ZNF423: variants seen among roughly 807,000 people sequenced by gnomAD.
ZNF423 encodes the protein zinc finger protein 423, also known as Ebf-associated zinc finger protein.
A neutral mutation model predicts 95.8 loss-of-function variants in ZNF423; 12 were observed. That is an observed-to-expected ratio of 0.13 (90% CI 0.08 to 0.20). ZNF423 has a LOEUF of 0.20. Ranked by LOEUF, ZNF423 falls within the 10% of genes least tolerant of loss-of-function variation. ZNF423 has a pLI of 1.00. For synonymous variants in ZNF423, 749 were observed against 711.9 expected (o/e 1.05, Z -0.83); for missense variants, 1,316 against 1,737.1 (o/e 0.76, Z 4.31).
intron 1 of ZNF423, among the ~76,000 whole-genome samples, chr16:49,850,608 G>T (rs2035292390): frequency 6.6e-6 from 1 of 152,182 alleles, no homozygotes; most frequent in South Asian, 2.1e-4. Context: ...TTCAGCCAGT[G>T]GCCAGGAAAG....
chr16:49,727,776 C>T (rs1294937701), intron 3 of ZNF423, among the ~76,000 whole-genome samples: 2 of 152,202 alleles, frequency 1.3e-5, no homozygotes, highest in Non-Finnish European at 2.9e-5. Flanking sequence ...TGGGCAGACC[C>T]TCTGGTTCCT....
At chr16:49,660,783 C>T (rs367952882) in intron 3 of ZNF423, among the ~76,000 whole-genome samples, 48 of 152,032 alleles carry the variant, frequency 3.2e-4, no homozygotes, top group African/African-American at 1.1e-3. Flanking sequence ...CAGCCTGAAT[C>T]CCAGAGAAAT....
chr16:49,806,023 C>A (rs965912480), intron 1 of ZNF423, among the ~76,000 whole-genome samples: 1 of 152,270 alleles, frequency 6.6e-6, no homozygotes, highest in Non-Finnish European at 1.5e-5. Context: ...CCATCTCTCC[C>A]TGAGGTTAAT....
chr16:49,651,436 C>T (rs997763317), intron 3 of ZNF423, among the ~76,000 whole-genome samples: 1 of 152,148 alleles, frequency 6.6e-6, no homozygotes, highest in Non-Finnish European at 1.5e-5. Flanking sequence ...CCCCCACCCC[C>T]CTGCATGCCC....
intron 2 of ZNF423, among the ~76,000 whole-genome samples, chr16:49,758,971 C>G (rs1160432213): frequency 6.6e-6 from 1 of 152,190 alleles, no homozygotes; most frequent in East Asian, 1.9e-4. Context: ...AGTTCTATTT[C>G]TAGACCTGGG....
chr16:49,629,442 A>T (rs1202153941), intron 4 of ZNF423, among the ~76,000 whole-genome samples: 1 of 152,138 alleles, frequency 6.6e-6, no homozygotes, highest in Non-Finnish European at 1.5e-5. Flanking sequence ...CCACACCCAC[A>T]GTTCCCTAAG....
chr16:49,620,220 T>G (rs28583243), intron 5 of ZNF423, among the ~76,000 whole-genome samples: 83 of 143,548 alleles, frequency 5.8e-4, no homozygotes, highest in African/African-American at 1.7e-3. Flanking sequence ...GACACACACA[T>G]ACACATACAC....
At chr16:49,718,586 A>C (rs957666491) in intron 3 of ZNF423, among the ~76,000 whole-genome samples, 12 of 152,246 alleles carry the variant, frequency 7.9e-5, no homozygotes, top group African/African-American at 2.9e-4. Context: ...GTTCAGGCTC[A>C]TATAACAACA....
At chr16:49,664,136 C>T in intron 3 of ZNF423, 1 of 985,574 alleles carries the variant, frequency 1.0e-6, no homozygotes. Context: ...CTGGCCGATG[C>T]CAAGAGGGCC....
chr16:49,812,069 C>T (rs1226167073), intron 1 of ZNF423, among the ~76,000 whole-genome samples: 2 of 152,236 alleles, frequency 1.3e-5, no homozygotes, highest in East Asian at 1.9e-4. Flanking sequence ...GGTGACTAGG[C>T]GGGGTGCTCC....
intron 5 of ZNF423, among the ~76,000 whole-genome samples, chr16:49,537,410 A>G (rs1232348067): frequency 6.6e-6 from 1 of 152,212 alleles, no homozygotes; most frequent in Non-Finnish European, 1.5e-5. Flanking sequence ...CTGCTTCTGC[A>G]GGCTATGTCT....
intron 1 of ZNF423, among the ~76,000 whole-genome samples, chr16:49,833,783 A>C (rs982583030): frequency 2.4e-5 from 3 of 123,836 alleles, no homozygotes; most frequent in Non-Finnish European, 5.1e-5. Flanking sequence ...TTTTTCAGGG[A>C]TTTCGTGGGA....
At chr16:49,820,071 T>TGGAG (rs2034917679) in intron 1 of ZNF423, among the ~76,000 whole-genome samples, 1 of 149,464 alleles carries the variant, frequency 6.7e-6, no homozygotes, top group Non-Finnish European at 1.5e-5. Flanking sequence ...GATGGATGGA[T>TGGAG]GCATGGATGG....
At chr16:49,620,480 G>A (rs111377886) in intron 5 of ZNF423, among the ~76,000 whole-genome samples, 121 of 152,274 alleles carry the variant, frequency 7.9e-4, no homozygotes, top group African/African-American at 2.7e-3. Flanking sequence ...GGAAAGGGCC[G>A]GCGTGAGCAT....
intron 7 of ZNF423, among the ~76,000 whole-genome samples, chr16:49,509,666 C>T (rs1005881585): frequency 6.6e-6 from 1 of 152,152 alleles, no homozygotes; most frequent in African/African-American, 2.4e-5. Flanking sequence ...ACATCCCCAG[C>T]CATGCCAGAC....
intron 5 of ZNF423, among the ~76,000 whole-genome samples, chr16:49,528,700 T>C (rs1332419697): frequency 6.6e-6 from 1 of 151,870 alleles, no homozygotes; most frequent in African/African-American, 2.4e-5. Flanking sequence ...CTGGAGGGGT[T>C]AGAGGTACTC....
intron 1 of ZNF423, among the ~76,000 whole-genome samples, chr16:49,833,448 AT>A (rs2035082698): frequency 6.6e-6 from 1 of 152,216 alleles, no homozygotes; most frequent in African/African-American, 2.4e-5. Context: ...GGGCTGTTAA[AT>A]TCACTTGCCA....
intron 1 of ZNF423, among the ~76,000 whole-genome samples, chr16:49,820,921 A>C (rs2034930234): frequency 6.6e-6 from 1 of 152,174 alleles, no homozygotes; most frequent in Non-Finnish European, 1.5e-5. Flanking sequence ...TGTCCACAAA[A>C]TGTTTCATTT....
chr16:49,530,024 T>C (rs57046123), intron 5 of ZNF423, among the ~76,000 whole-genome samples: 8,690 of 152,240 alleles, frequency 0.057, 410 homozygotes, highest in African/African-American at 0.13. Context: ...ACATCCAGGA[T>C]GTGGCAATGA....
Sources: allele counts gnomAD v4.1 joint callset (sites outside exome capture counted in the v4.1 genomes callset), GRCh38; gene constraint gnomAD v4.1.1; transcripts MANE v1.5; gene names NCBI Gene and HGNC (gene_info 2026-07-23, HGNC 2026-07-21).